CBL: variants seen among roughly 807,000 people sequenced by gnomAD.
CBL encodes the protein Cbl proto-oncogene.
In CBL, 45 loss-of-function variants were observed where a neutral mutation model predicts 96.9. That is an observed-to-expected ratio of 0.46 (90% CI 0.37 to 0.60). The LOEUF (loss-of-function observed/expected upper bound fraction) is 0.60. CBL is among the 20% of genes least tolerant of loss of function. The pLI, the probability that CBL is intolerant of heterozygous loss-of-function variation, is 0.00. For missense variants in CBL, 1,024 were observed against 1,143.5 expected (o/e 0.90, Z 1.51); for synonymous variants, 420 against 426.8 (o/e 0.98, Z 0.20).
At position 119,300,813 on chromosome 11, in the gene CBL, C is replaced by G. The variant is rs2135323123; in HGVS notation, c.*1032C>G. ...AATGGGAAGGGAAGAACATTTGTTTCCAGGATGACTTTCTGGCCAGAATAC... is the reference window on the plus strand; with the variant it reads ...AATGGGAAGGGAAGAACATTTGTTTGCAGGATGACTTTCTGGCCAGAATAC... On this transcript the variant is annotated 3_prime_UTR_variant, in exon 16 of 16. Transcript: ENST00000264033. 2.7e-6 allele frequency: 1 copy of G among 367,406 alleles called. No individual in the cohort carries two copies. Among genetic ancestry groups the G allele is most frequent in the East Asian group, 3.9e-5 (1 of 25,716 alleles). The allele number at this position is 367,406 out of a possible 1,614,324, so 22.8% of individuals were successfully genotyped here.
chr11:119,261,866 C>G (rs1262146010), intron 2 of CBL, among the ~76,000 whole-genome samples: 2 of 151,944 alleles, frequency 1.3e-5, no homozygotes, highest in Non-Finnish European at 2.9e-5. Context: ...TTGTTTTTTT[C>G]TAACCACACT....
chr11:119,225,008 A>C (rs368713864), intron 1 of CBL, among the ~76,000 whole-genome samples: 87 of 151,806 alleles, frequency 5.7e-4, no homozygotes, highest in African/African-American at 2.0e-3. Context: ...TTTTTTTCAG[A>C]GGTATTAGGC....
At chr11:119,283,621 C>CTTTTTTTTTTTTTTTTT (rs1410071154) in intron 9 of CBL, among the ~76,000 whole-genome samples, 1 of 36,508 alleles carries the variant, frequency 2.7e-5, no homozygotes, top group African/African-American at 8.5e-5. Flanking sequence ...CTTTTTAATT[C>CTTTTTTTTTTTTTTTTT]TTTCTTTTTT....
intron 1 of CBL, among the ~76,000 whole-genome samples, chr11:119,223,817 G>A (rs1424431212): frequency 2.6e-5 from 4 of 151,964 alleles, no homozygotes; most frequent in African/African-American, 9.7e-5. Flanking sequence ...TGTAGAGATG[G>A]GGTTTCACCA....
In CBL at chr11:119,299,493, A is replaced by G. The variant is rs1322157686; in HGVS notation, c.2435-2A>G. On this transcript the variant is annotated splice_acceptor_variant, in intron 15 of 15. Transcript: ENST00000264033. LOFTEE classifies it high-confidence loss of function. ...AAATATTTTCTTTCCTATTTCTTCT[A>G]GATGTCACTGAAGGTTCCCAAGTTC... 8 of 1,613,704 alleles carry G rather than the reference A, an allele frequency of 5.0e-6. No individual in the cohort carries two copies. In the East Asian group the frequency reaches 8.9e-5, roughly 18 times the overall value.
chr11:119,285,684 C>T (rs193191822), intron 11 of CBL, 118 bp downstream of exon 11: 8 of 1,123,318 alleles, frequency 7.1e-6, no homozygotes, highest in Non-Finnish European at 1.0e-5. Flanking sequence ...TCGCTTGAGC[C>T]GAGGATTTCG....
At chr11:119,274,701 C>G (rs2135299888) in intron 4 of CBL, 131 bp from the exon 5 acceptor site, 2 of 831,158 alleles carry the variant, frequency 2.4e-6, no homozygotes, top group East Asian at 4.9e-5. Context: ...TGTCTTCTCT[C>G]TGAGTGATGG....
intron 11 of CBL, among the ~76,000 whole-genome samples, chr11:119,285,924 T>C (rs1252507788): frequency 7.3e-5 from 11 of 151,462 alleles, no homozygotes; most frequent in African/African-American, 2.4e-4. Context: ...AAAAGAAATA[T>C]GTGTGGATAG....
Position 119,307,793 on chromosome 11 carries a change from T to G in CBL, c.*8012T>G. On this transcript the variant is annotated 3_prime_UTR_variant, in exon 16 of 16. Transcript: ENST00000264033. ...CCAGAATGAAGAGTCCCAATTTGTA[T>G]ATCAGTGTTAAGAAGAAAACAAAAC... 4.6e-6 allele frequency: 1 copy of G among 215,080 alleles called. No individual in the cohort carries two copies. The highest frequency in any genetic ancestry group is 7.0e-5 in the East Asian group (1 of 14,324). The allele number at this position is 215,080 out of a possible 1,614,324, so 13.3% of individuals were successfully genotyped here.
chr11:119,262,403 C>G (rs1949761170), intron 2 of CBL, among the ~76,000 whole-genome samples: 1 of 152,144 alleles, frequency 6.6e-6, no homozygotes. Flanking sequence ...TCAGTTAGTA[C>G]TACCATACTG....
chr11:119,291,336 G>A (rs1950025796), intron 12 of CBL, among the ~76,000 whole-genome samples: 1 of 152,226 alleles, frequency 6.6e-6, no homozygotes. Flanking sequence ...TGTGAGCTGT[G>A]ATGGCACTAC....
chr11:119,284,846 C>A, intron 9 of CBL, 123 bp from the exon 10 acceptor site: 1 of 1,197,364 alleles, frequency 8.4e-7, no homozygotes, highest in Non-Finnish European at 1.2e-6. Context: ...GACCTCAAAC[C>A]TAGGTCTGGC....
Position 119,298,377 on chromosome 11 carries a change from A to G in CBL, c.2271A>G (p.Ala757=). The G allele has an allele frequency of 1.2e-6, 2 of 1,614,222 alleles. No individual in the cohort carries two copies. The highest frequency in any genetic ancestry group is 1.7e-6 in the Non-Finnish European group (2 of 1,180,030). Residue 757 remains alanine, a synonymous_variant, in exon 15 of 16, where the codon GCA becomes GCG. Transcript: ENST00000264033. ...CTCCAGGTGAAGGGAATTTGGCCGC[A>G]GCCCATGCCAACACTGGTCCCGAGG... ...SSTFGEGNLA[A]AHANTGPEES...
At position 119,275,861 on chromosome 11, in the gene CBL, TAAAAAAAGAAAG is replaced by T. The variant is rs1949885646; in HGVS notation, c.870-132_870-121del. On this transcript the variant is annotated intron_variant, in intron 5 of 15. Transcript: ENST00000264033. Reference sequence around the variant, plus strand: ...TGGGTGACAGAGCCAGACTCCATCTTAAAAAAAGAAAGAAAGAAAGGAAGAAAGTTATTGTTA... The same window carrying T: ...TGGGTGACAGAGCCAGACTCCATCTTAAAGAAAGGAAGAAAGTTATTGTTA... The T allele has an allele frequency of 3.2e-6, 3 of 931,412 alleles. No homozygotes were observed. In the African/African-American group the frequency reaches 4.9e-5, roughly 15 times the overall value. 57.7% of individuals were successfully genotyped at this position (931,412 alleles called of 1,614,324 possible).
chr11:119,220,436 C>G (rs1460060028), intron 1 of CBL, among the ~76,000 whole-genome samples: 1 of 152,110 alleles, frequency 6.6e-6, no homozygotes, highest in Non-Finnish European at 1.5e-5. Context: ...TAGCAAGACC[C>G]TGTGTCTAAA....
chr11:119,260,238 TTTTTC>T (rs1437019266), intron 2 of CBL, among the ~76,000 whole-genome samples: 5 of 149,364 alleles, frequency 3.3e-5, no homozygotes, highest in Non-Finnish European at 5.9e-5. Flanking sequence ...TTTTTTTTTC[TTTTTC>T]TTTTCTTTTC....
rs557267436 is a variant in CBL at position 119,305,430 on chromosome 11, C to T, written c.*5649C>T. 7.4e-5 allele frequency: 17 copies of T among 230,486 alleles called. No homozygotes were observed. Among genetic ancestry groups the T allele is most frequent in the Non-Finnish European group, 1.3e-4 (15 of 116,342 alleles). 14.3% of individuals were successfully genotyped at this position (230,486 alleles called of 1,614,324 possible). A position where few individuals can be genotyped will look rare whatever the true frequency, so the allele number is the denominator to read the frequency against. Reference sequence around the variant, plus strand: ...CACTGTAGCCACTATCCATGGACTTCTGGGTCCTCTTCAGGTTTGAGTGCT... The same window carrying T: ...CACTGTAGCCACTATCCATGGACTTTTGGGTCCTCTTCAGGTTTGAGTGCT... On this transcript the variant is annotated 3_prime_UTR_variant, in exon 16 of 16. Transcript: ENST00000264033.
chr11:119,219,296 T>G lies in CBL; in HGVS notation c.195+12684T>G, dbSNP rs560684768. Among the ~76,000 whole-genome samples the G allele has an allele frequency of 2.0e-5, 3 of 151,256 alleles. No individual in the cohort carries two copies. The South Asian group carries it at 6.3e-4, about 32-fold the overall frequency. On this transcript the variant is annotated intron_variant, in intron 1 of 15. Coordinates refer to ENST00000264033, the MANE Select transcript of CBL (RefSeq NM_005188.4). ...TGGGAGGAGGCTAAGGAGAATTGCT[T>G]GAACCCAGGAGGCAGAGGTGGCAGT...
intron 4 of CBL, 59 bp from the exon 5 acceptor site, chr11:119,274,773 C>T (rs2135300229): frequency 1.3e-6 from 2 of 1,502,202 alleles, no homozygotes; most frequent in Admixed American, 3.6e-5. Context: ...TTTCTCATTG[C>T]CCTCTGAGTT....
Sources: gnomAD v4.1 joint callset for allele counts (sites outside exome capture counted in the v4.1 genomes callset) on GRCh38, gnomAD v4.1.1 for gene constraint, MANE v1.5 for transcripts, NCBI Gene and HGNC (gene_info 2026-07-23, HGNC 2026-07-21) for gene names.